Variants in EML2 observed in about 807,000 individuals in gnomAD.
EML2 encodes EMAP like 2, also known as echinoderm microtubule-associated protein-like 2.
EML2 carries 59 observed loss-of-function variants against 84.7 expected under a neutral mutation model. The ratio of observed to expected loss-of-function variants is 0.70; its 90% CI spans 0.56 to 0.86. The LOEUF is 0.86. EML2 is among the 40% of genes least tolerant of loss of function. The pLI is 0.00. For synonymous variants in EML2, 352 were observed against 348.9 expected (o/e 1.01, Z -0.10); for missense variants, 818 against 855.6 (o/e 0.96, Z 0.55).
upstream of EML2, chr19:45,643,485 C>T: frequency 6.7e-7 from 1 of 1,501,044 alleles, no homozygotes. Flanking sequence ...AATGACTCCC[C>T]GAGTCGCCCC....
chr19:45,629,233 G>A (rs553735277), intron 7 of EML2, among the ~76,000 whole-genome samples: 16 of 151,854 alleles, frequency 1.1e-4, no homozygotes, highest in Admixed American at 3.3e-4. Flanking sequence ...AGGTTCAAGC[G>A]ATCCTCCTAC....
intron 9 of EML2, 77 bp from the exon 10 acceptor site, chr19:45,621,714 A>G: frequency 6.8e-7 from 1 of 1,462,468 alleles, no homozygotes; most frequent in Non-Finnish European, 9.2e-7. Flanking sequence ...TTGAACTCTC[A>G]AGCCTATGTC....
In EML2 at chr19:45,630,053, A is replaced by G; in HGVS notation, c.511-7T>C. On this transcript the variant is annotated splice_region_variant and splice_polypyrimidine_tract_variant and intron_variant, in intron 6 of 18. Transcript: ENST00000245925. The stretch of plus-strand genomic sequence containing the variant: ...ACAGCAGGTTGCCTCCATTCTAAAG[A>G]GGAGGAGAGAGGAGGGGGACAGAGG... 6.2e-7 allele frequency: 1 copy of G among 1,603,602 alleles called. No individual in the cohort carries two copies. The highest frequency in any genetic ancestry group is 8.5e-7 in the Non-Finnish European group (1 of 1,172,098).
intron 12 of EML2, among the ~76,000 whole-genome samples, chr19:45,618,668 G>A (rs1408354153): frequency 2.6e-5 from 4 of 152,008 alleles, no homozygotes; most frequent in Non-Finnish European, 4.4e-5. Flanking sequence ...CCTTGTTTGG[G>A]CCAGGCTTGG....
At chr19:45,643,367 CA>C (rs1348166373), upstream of EML2, among the ~76,000 whole-genome samples, 1 of 152,166 alleles carries the variant, frequency 6.6e-6, no homozygotes, top group Non-Finnish European at 1.5e-5. Flanking sequence ...ACCGGATTGA[CA>C]ACCAAACTCT....
chr19:45,620,408 T>C (rs1022797959), intron 11 of EML2, among the ~76,000 whole-genome samples: 3 of 152,098 alleles, frequency 2.0e-5, no homozygotes, highest in Admixed American at 6.6e-5. Flanking sequence ...ATAATTATAA[T>C]AGCCAATATA....
intron 18 of EML2, among the ~76,000 whole-genome samples, chr19:45,612,490 C>T (rs1461747538): frequency 6.6e-6 from 1 of 152,076 alleles, no homozygotes; most frequent in Non-Finnish European, 1.5e-5. Context: ...CCAGCCTGGG[C>T]AACAGAGAAC....
intron 1 of EML2, 121 bp downstream of exon 1, chr19:45,639,236 G>A: frequency 2.9e-6 from 3 of 1,040,386 alleles, no homozygotes; most frequent in Non-Finnish European, 4.0e-6. Context: ...GAAACGGGGA[G>A]AGTTTAAGGG....
At chr19:45,627,191 T>G (rs1378544778) in intron 7 of EML2, among the ~76,000 whole-genome samples, 2 of 151,504 alleles carry the variant, frequency 1.3e-5, no homozygotes, top group East Asian at 3.9e-4. Context: ...ACTCTTTACC[T>G]CGTGATCCAC....
At chr19:45,641,767 G>C (rs2286756), upstream of EML2, 5 of 1,535,616 alleles carry the variant, frequency 3.3e-6, no homozygotes, top group Admixed American at 3.9e-5. Context: ...GAGCACACAG[G>C]TGGGGGCAGA....
intron 3 of EML2, among the ~76,000 whole-genome samples, chr19:45,634,861 C>CT (rs888083194): frequency 6.7e-5 from 10 of 149,754 alleles, no homozygotes; most frequent in South Asian, 4.2e-4. Flanking sequence ...TTTATTTTTT[C>CT]TTTTTTTTGA....
chr19:45,629,032 A>G (rs1183619238), intron 7 of EML2, among the ~76,000 whole-genome samples: 1 of 152,108 alleles, frequency 6.6e-6, no homozygotes, highest in Non-Finnish European at 1.5e-5. Context: ...AGCCACCTCA[A>G]ACCCACCCTT....
chr19:45,614,874 C>A, intron 16 of EML2, 174 bp from the exon 17 acceptor site: 1 of 567,660 alleles, frequency 1.8e-6, no homozygotes, highest in Non-Finnish European at 3.2e-6. Context: ...CTTCACAGCC[C>A]GCAGCGTAAG....
intron 7 of EML2, 143 bp from the exon 8 acceptor site, chr19:45,626,982 CAG>C: frequency 1.5e-6 from 1 of 678,152 alleles, no homozygotes; most frequent in Non-Finnish European, 2.2e-6. Context: ...TTTTTCAGGG[CAG>C]AGTCTCACCC....
chr19:45,620,752 G>A (rs548773096), intron 11 of EML2: 11 of 272,966 alleles, frequency 4.0e-5, no homozygotes, highest in Middle Eastern at 1.4e-3. Context: ...AGTGCTTCCC[G>A]GTAGGTGAGT....
chr19:45,631,018 T>A lies in EML2; in HGVS notation c.511-972A>T, dbSNP rs371330325. ...ATGCCACCACTGCCCTCCTAATTTT[T>A]GTATTTTTAGTAGAGACAGGGTTTC... On this transcript the variant is annotated intron_variant, in intron 6 of 18. Transcript: ENST00000245925. Among the ~76,000 whole-genome samples the A allele has an allele frequency of 2.9e-3, 441 of 152,182 alleles. 6 individuals carry two copies. Among genetic ancestry groups the A allele is most frequent in the African/African-American group, 9.9e-3 (410 of 41,530 alleles).
chr19:45,621,614 C>G lies in EML2; in HGVS notation c.865G>C (p.Val289Leu). 4 of 1,609,248 alleles carry G rather than the reference C, an allele frequency of 2.5e-6. No homozygotes were observed. The highest frequency in any genetic ancestry group is 2.7e-5 in the African/African-American group (2 of 75,052). ...GKGGNRITQA[V>L]LGAHDGGVFG... is the part of the protein sequence containing the mutation. ...ACGCCGCCGTCGTGGGCGCCCAGCA[C>G]CGCCTGTGTGATACGGTTCCCACCT... Residue 289 changes from valine to leucine, a missense_variant, in exon 10 of 19, where the codon GTG becomes CTG. Val to Leu is a conservative substitution (Grantham distance 32). Coordinates refer to ENST00000245925, the MANE Select transcript of EML2 (RefSeq NM_012155.4).
upstream of EML2, chr19:45,640,820 T>C (rs1387089647): frequency 2.0e-5 from 3 of 152,268 alleles, no homozygotes; most frequent in African/African-American, 7.2e-5. Context: ...CCTCCCAAAC[T>C]GCTAGAATTA....
chr19:45,609,667 A>G lies in EML2; in HGVS notation c.1946T>C (p.Val649Ala), dbSNP rs773130735. Residue 649 changes from valine to alanine, a missense_variant, in exon 19 of 19, where the codon GTC becomes GCC. By Grantham distance (64) the Val-to-Ala change is moderately conservative. Transcript: ENST00000245925. ...CCTGACTCTTCCCTGGCCGCATCAG[A>G]CCACCCGCCACTGTAGCACACTGGT... ...KDTSVLQWRVV is the reference protein window; with the variant it reads ...KDTSVLQWRVA The G allele has an allele frequency of 6.3e-7, 1 of 1,599,130 alleles. No homozygotes were observed. The highest frequency in any genetic ancestry group is 2.2e-5 in the East Asian group (1 of 44,578).
Sources: gnomAD v4.1 joint callset for allele counts (sites outside exome capture counted in the v4.1 genomes callset) on GRCh38, gnomAD v4.1.1 for gene constraint, MANE v1.5 for transcripts, NCBI Gene and HGNC (gene_info 2026-07-23, HGNC 2026-07-21) for gene names.